ZSCAN5C: variants seen among roughly 807,000 people sequenced by gnomAD.
ZSCAN5C encodes the protein zinc finger and SCAN domain-containing protein 5C.
ZSCAN5C carries 11 observed loss-of-function variants against 17.3 expected under a neutral mutation model. The ratio of observed to expected loss-of-function variants is 0.64; its 90% CI spans 0.40 to 1.06. ZSCAN5C has a LOEUF of 1.06. ZSCAN5C is among the 50% of genes least tolerant of loss of function. The probability of loss-of-function intolerance (pLI) is 0.00; values close to 1 mark genes in which losing one functional copy is unlikely to be tolerated. For synonymous variants in ZSCAN5C, 229 were observed against 208.4 expected (o/e 1.10, Z -0.85); for missense variants, 698 against 538.9 (o/e 1.30, Z -2.92).
At chr19:56,208,218 GC>G (rs1358994643) in intron 4 of ZSCAN5C, 34 bp downstream of exon 4, 1 of 756,278 alleles carries the variant, frequency 1.3e-6, no homozygotes, top group Admixed American at 1.8e-5. Flanking sequence ...TGTGGAGATA[GC>G]CCCTCTCTTC....
At chr19:56,208,695 A>G (rs772011301) in exon 5 of ZSCAN5C, 22 of 1,612,548 alleles carry the variant, frequency 1.4e-5, no homozygotes, top group Non-Finnish European at 1.7e-5. Flanking sequence ...GGACAAGCTG[A>G]GATCAATCCA....
At chr19:56,207,528 A>G (rs1254763884) in intron 3 of ZSCAN5C, among the ~76,000 whole-genome samples, 1 of 151,666 alleles carries the variant, frequency 6.6e-6, no homozygotes, top group Admixed American at 6.6e-5. Flanking sequence ...GTTGGCACAG[A>G]TGAATGAACT....
exon 5 of ZSCAN5C, chr19:56,208,686 G>T: frequency 6.2e-7 from 1 of 1,612,704 alleles, no homozygotes; most frequent in South Asian, 1.1e-5. Flanking sequence ...GAATCCCCGG[G>T]ACAAGCTGAG....
chr19:56,208,732 A>T, exon 5 of ZSCAN5C: 1 of 1,611,628 alleles, frequency 6.2e-7, no homozygotes, highest in Non-Finnish European at 8.5e-7. Flanking sequence ...CTGCGGGCCC[A>T]GTCAGTCACC....
At chr19:56,206,596 C>G (rs984058598) in intron 2 of ZSCAN5C, among the ~76,000 whole-genome samples, 1 of 151,704 alleles carries the variant, frequency 6.6e-6, no homozygotes, top group African/African-American at 2.4e-5. Context: ...AGGAGATGGA[C>G]AGGCAGAGGG....
chr19:56,207,141 A>G (rs1308532346), exon 3 of ZSCAN5C: 2 of 777,386 alleles, frequency 2.6e-6, no homozygotes, highest in African/African-American at 1.7e-5. Context: ...AGTGTCAGAG[A>G]TGATCCGAGA....
intron 3 of ZSCAN5C, among the ~76,000 whole-genome samples, chr19:56,207,478 G>GT (rs2032936325): frequency 1.7e-5 from 2 of 120,594 alleles, no homozygotes; most frequent in South Asian, 2.6e-4. Context: ...AGCATGTAGG[G>GT]TGGGGGGTAA....
exon 5 of ZSCAN5C, chr19:56,208,482 C>A: frequency 2.0e-6 from 3 of 1,488,312 alleles, no homozygotes; most frequent in South Asian, 1.1e-5. Flanking sequence ...GGGAAGGAAC[C>A]CCAAAAAAGA....
exon 2 of ZSCAN5C, chr19:56,205,955 C>T: frequency 4.9e-6 from 7 of 1,414,786 alleles, no homozygotes; most frequent in Non-Finnish European, 7.0e-6. Context: ...TAGGAGAATC[C>T]TGCAACAGCC....
intron 1 of ZSCAN5C, among the ~76,000 whole-genome samples, chr19:56,205,533 C>G (rs1289456283): frequency 6.6e-6 from 1 of 151,860 alleles, no homozygotes; most frequent in Non-Finnish European, 1.5e-5. Context: ...CAATGTTGTT[C>G]GATGGGCAGG....
chr19:56,207,162 G>C (rs1368009192), exon 3 of ZSCAN5C: 1 of 778,640 alleles, frequency 1.3e-6, no homozygotes, highest in South Asian at 1.4e-5. Flanking sequence ...CACGTGTCCA[G>C]CCAGCGGACC....
In ZSCAN5C at chr19:56,208,779, C is replaced by T. The variant is rs760839620; in HGVS notation, c.1070C>T (p.Ala357Val). The T allele has an allele frequency of 2.5e-5, 40 of 1,591,660 alleles. 1 individual carries two copies. Among genetic ancestry groups the T allele is most frequent in the Non-Finnish European group, 2.9e-5 (34 of 1,161,106 alleles). ...GAAGTCAAGGAACTGCTGCCCTTTGCATGTGAGGTGTGCGGCAAGAGGTTT... is the reference window on the plus strand; with the variant it reads ...GAAGTCAAGGAACTGCTGCCCTTTGTATGTGAGGTGTGCGGCAAGAGGTTT... The change falls in exon 5 of 5, where the codon GCA becomes GTA. Residue 357 changes from alanine (A) to valine (V), a missense_variant. Ala to Val is a moderately conservative substitution (Grantham distance 64). Coordinates refer to ENST00000534327, the Ensembl canonical transcript of ZSCAN5C.
chr19:56,207,428 G>T (rs949831076), intron 3 of ZSCAN5C, among the ~76,000 whole-genome samples, 166 bp downstream of exon 3: 2 of 151,636 alleles, frequency 1.3e-5, no homozygotes, highest in African/African-American at 2.4e-5. Context: ...TCACAGAGAG[G>T]GAAGCTTCAT....
At chr19:56,205,301 T>C (rs1234034128) in intron 1 of ZSCAN5C, among the ~76,000 whole-genome samples, 1 of 151,950 alleles carries the variant, frequency 6.6e-6, no homozygotes, top group Non-Finnish European at 1.5e-5. Context: ...TAGGATTCTT[T>C]AGTGCTGTCC....
At chr19:56,209,069 A>G (rs201238284) in exon 5 of ZSCAN5C, 994 of 1,602,328 alleles carry the variant, frequency 6.2e-4, no homozygotes, top group Admixed American at 2.1e-3. Context: ...CTACAAGGCA[A>G]ATCTGAAGGA....
intron 1 of ZSCAN5C, among the ~76,000 whole-genome samples, chr19:56,203,151 G>A (rs1485616662): frequency 6.6e-6 from 1 of 151,834 alleles, no homozygotes; most frequent in Non-Finnish European, 1.5e-5. Flanking sequence ...TTGCCCAGGT[G>A]GTTGTCAAAC....
intron 3 of ZSCAN5C, among the ~76,000 whole-genome samples, chr19:56,207,704 C>T (rs964879241): frequency 2.6e-5 from 4 of 151,702 alleles, no homozygotes; most frequent in Non-Finnish European, 5.9e-5. Flanking sequence ...TTTTTGTTGT[C>T]ATTGTAGGGG....
chr19:56,205,592 G>C (rs995583336), intron 1 of ZSCAN5C, among the ~76,000 whole-genome samples, 195 bp from the exon 2 acceptor site: 1 of 151,862 alleles, frequency 6.6e-6, no homozygotes, highest in African/African-American at 2.4e-5. Flanking sequence ...TCAGAATCCA[G>C]GGGAGTATTC....
chr19:56,205,739 T>G, intron 1 of ZSCAN5C, 48 bp from the exon 2 acceptor site: 1 of 561,546 alleles, frequency 1.8e-6, no homozygotes, highest in Non-Finnish European at 3.2e-6. Context: ...AAGGATGGGG[T>G]GGGTAGAGTA....
Sources: allele counts gnomAD v4.1 joint callset (sites outside exome capture counted in the v4.1 genomes callset), GRCh38; gene constraint gnomAD v4.1.1; transcripts MANE v1.5; gene names NCBI Gene and HGNC (gene_info 2026-07-23, HGNC 2026-07-21).